The following EMILIN1 variants were observed in gnomAD, a reference collection of about 807,000 sequenced individuals.
EMILIN1 encodes elastin microfibril interfacer 1.
In EMILIN1, 49 loss-of-function variants were observed where a neutral mutation model predicts 82.4. The ratio of observed to expected loss-of-function variants is 0.59; its 90% CI spans 0.47 to 0.75. The LOEUF is 0.75. EMILIN1 is among the 30% of genes least tolerant of loss of function. The pLI is 0.00. For missense variants in EMILIN1, 1,313 were observed against 1,366.4 expected (o/e 0.96, Z 0.62); for synonymous variants, 604 against 602.2 (o/e 1.00, Z -0.04).
chr2:27,082,947 A>C lies in EMILIN1; in HGVS notation c.1376A>C (p.Glu459Ala), dbSNP rs775866025. ...LGGLLANVSG[E>A]LGGRLDLLEE... ...GGGCTGCTGGCCAATGTGAGCGGGG[A>C]GCTGGGGGGGCGGTTGGATCTGTTG... is the stretch of plus-strand genomic sequence containing the variant. Residue 459 changes from glutamate to alanine, a missense_variant, in exon 4 of 8, where the codon GAG (glutamate) becomes GCG (alanine). Coordinates refer to ENST00000380320, the MANE Select transcript of EMILIN1 (RefSeq NM_007046.4). The C allele has an allele frequency of 5.9e-6, 9 of 1,523,552 alleles. No individual in the cohort carries two copies. The highest frequency in any genetic ancestry group is 7.1e-6 in the Non-Finnish European group (8 of 1,122,742). The allele number at this position is 1,523,552 out of a possible 1,614,324, so 94.4% of individuals were successfully genotyped here.
Position 27,082,422 on chromosome 2 carries a change from C to T in EMILIN1, c.851C>T (p.Pro284Leu), listed in dbSNP as rs771792212. 56 of 1,602,716 alleles carry T rather than the reference C, an allele frequency of 3.5e-5. No individual in the cohort carries two copies. Among genetic ancestry groups the T allele is most frequent in the Non-Finnish European group, 2.3e-5 (27 of 1,176,702 alleles). Residue 284 changes from proline (P) to leucine (L), a missense_variant, in exon 4 of 8, where the codon CCG becomes CTG. Pro to Leu is a moderately conservative substitution (Grantham distance 98, BLOSUM62 -3). Transcript: ENST00000380320. The part of the protein sequence containing the change: ...SRAPAPASAP[P>L]GPSEELLRQL... ...GCCCCAGCCCCAGCCTCAGCCCCTC[C>T]GGGCCCCAGTGAGGAGCTGCTGCGG...
chr2:27,078,881 G>C lies in EMILIN1; in HGVS notation c.-185G>C. On this transcript the variant is annotated 5_prime_UTR_variant, in exon 1 of 8. Coordinates refer to ENST00000380320, the MANE Select transcript of EMILIN1 (RefSeq NM_007046.4). ...ACGGACAGGAGCTGAGGAGGAAAGA[G>C]GAGGGGAGAGGGGTCAGGCCAGGCA... The C allele has an allele frequency of 1.9e-6, 1 of 512,974 alleles. No individual in the cohort carries two copies. The highest frequency in any genetic ancestry group is 3.4e-6 in the Non-Finnish European group (1 of 292,334). 31.8% of individuals were successfully genotyped at this position (512,974 alleles called of 1,614,324 possible). A position where few individuals can be genotyped will look rare whatever the true frequency, so the allele number is the denominator to read the frequency against.
chr2:27,083,311 G>A lies in EMILIN1; in HGVS notation c.1740G>A (p.Glu580=). 1 of 1,613,334 alleles carries A rather than the reference G, an allele frequency of 6.2e-7. No homozygotes were observed. Among genetic ancestry groups the A allele is most frequent in the Non-Finnish European group, 8.5e-7 (1 of 1,179,878 alleles). ...GGCTGCTGCAGGCCCATGGGGATGA[G>A]GGCTGTGGGGCCTGTGGCGGAGTCC... ...LEGLLQAHGD[E]GCGACGGVQE... Residue 580 remains glutamate, a synonymous_variant, in exon 4 of 8, where the codon GAG becomes GAA. Transcript: ENST00000380320.
In EMILIN1 at chr2:27,083,017, C is replaced by A; in HGVS notation, c.1446C>A (p.Cys482Ter). The A allele has an allele frequency of 6.4e-7, 1 of 1,555,282 alleles. No homozygotes were observed. ...CCATGCAGGCATGCGGGCAGCTCTG[C>A]TCTGGGGCCCCTGGGGAGCAGGACT... ...AGAMQACGQL[C>*]SGAPGEQDSQ... Residue 482 changes from cysteine (C) to a stop codon, truncating the protein, a stop_gained, in exon 4 of 8, where the codon TGC (cysteine) becomes TGA (stop). Coordinates refer to ENST00000380320, the MANE Select transcript of EMILIN1 (RefSeq NM_007046.4). LOFTEE classifies it high-confidence loss of function.
rs762098465 is a variant in EMILIN1, at chr2:27,082,808, C to T, written c.1237C>T (p.Arg413Cys). ...LASRLSRLED[R>C]FNSTLGPSEE... ...CTCCCGCCTGTCTCGCCTGGAGGAC[C>T]GCTTCAACTCCACCCTGGGCCCTTC... The change falls in exon 4 of 8, where the codon CGC becomes TGC. Residue 413 changes from arginine (R) to cysteine (C), a missense_variant. Arg to Cys is a radical substitution (Grantham distance 180). Transcript: ENST00000380320. 92 of 1,555,614 alleles carry T rather than the reference C, an allele frequency of 5.9e-5. No homozygotes were observed. The highest frequency in any genetic ancestry group is 7.1e-5 in the Non-Finnish European group (82 of 1,158,552).
rs749272577 is a variant in EMILIN1, at chr2:27,079,283, C to G, written c.170+48C>G. 5 of 1,468,236 alleles carry G rather than the reference C, an allele frequency of 3.4e-6. No homozygotes were observed. In the South Asian group the frequency reaches 6.3e-5, roughly 19 times the overall value. The allele number at this position is 1,468,236 out of a possible 1,614,324, so 91.0% of individuals were successfully genotyped here. A position where few individuals can be genotyped will look rare whatever the true frequency, so the allele number is the denominator to read the frequency against. On this transcript the variant is annotated intron_variant, in intron 1 of 7. Coordinates refer to ENST00000380320, the MANE Select transcript of EMILIN1 (RefSeq NM_007046.4). ...GAGGCTTGGGTGGTGAGGAAGGGGTCAGAATGCCACCTCTGCCTGGCTCTC... is the reference window on the plus strand; with the variant it reads ...GAGGCTTGGGTGGTGAGGAAGGGGTGAGAATGCCACCTCTGCCTGGCTCTC...
At position 27,080,717 on chromosome 2, in the gene EMILIN1, T is replaced by G; in HGVS notation, c.291-15T>G. Reference sequence around the variant, plus strand: ...TACAGGGAGGAATAAAGAGGCCTCCTTCTGCCTCTGCCAGGTACCGCCGCT... The same window carrying G: ...TACAGGGAGGAATAAAGAGGCCTCCGTCTGCCTCTGCCAGGTACCGCCGCT... On this transcript the variant is annotated splice_polypyrimidine_tract_variant and intron_variant, in intron 2 of 7. Transcript: ENST00000380320. The G allele has an allele frequency of 6.2e-7, 1 of 1,604,868 alleles. No homozygotes were observed. Among genetic ancestry groups the G allele is most frequent in the Non-Finnish European group, 8.5e-7 (1 of 1,174,858 alleles).
chr2:27,079,501 C>T (rs557878045), intron 1 of EMILIN1, among the ~76,000 whole-genome samples: 377 of 152,292 alleles, frequency 2.5e-3, no homozygotes, highest in African/African-American at 8.5e-3. Flanking sequence ...GCCTTCCTGC[C>T]AGCTGCCCTC....
In EMILIN1 at chr2:27,078,838, G is replaced by T. The variant is rs1669422139; in HGVS notation, c.-228G>T. On this transcript the variant is annotated 5_prime_UTR_variant, in exon 1 of 8. Coordinates refer to ENST00000380320, the MANE Select transcript of EMILIN1 (RefSeq NM_007046.4). Reference sequence around the variant, plus strand: ...CCCCCTCAGAAGTGAAGAGGAGAGCGGAAGGAACCGAGAGGGGACGGACAG... The same window carrying T: ...CCCCCTCAGAAGTGAAGAGGAGAGCTGAAGGAACCGAGAGGGGACGGACAG... The T allele has an allele frequency of 2.1e-6, 1 of 470,898 alleles. No individual in the cohort carries two copies. The allele number at this position is 470,898 out of a possible 1,614,324, so 29.2% of individuals were successfully genotyped here.
intron 3 of EMILIN1, among the ~76,000 whole-genome samples, chr2:27,081,424 G>T (rs1379222292): frequency 6.6e-6 from 1 of 152,092 alleles, no homozygotes; most frequent in Non-Finnish European, 1.5e-5. Flanking sequence ...CAGTTCCTGT[G>T]GCTTGCCTTC....
chr2:27,079,898 CA>C (rs1276379499), intron 1 of EMILIN1, among the ~76,000 whole-genome samples: 1 of 152,226 alleles, frequency 6.6e-6, no homozygotes, highest in Non-Finnish European at 1.5e-5. Flanking sequence ...CCCGGGACCC[CA>C]CCACCATGAG....
At chr2:27,084,865 A>T in intron 5 of EMILIN1, 126 bp from the exon 6 acceptor site, 1 of 899,368 alleles carries the variant, frequency 1.1e-6, no homozygotes, top group African/African-American at 1.6e-5. Flanking sequence ...GTTTTTCTTG[A>T]TACCCCAATT....
intron 4 of EMILIN1, among the ~76,000 whole-genome samples, 188 bp downstream of exon 4, chr2:27,084,199 C>T (rs1028942264): frequency 2.0e-5 from 3 of 152,176 alleles, no homozygotes; most frequent in Admixed American, 1.3e-4. Context: ...TCCCGCCCTC[C>T]CTCTGGCTGC....
rs749285157 is a variant in EMILIN1, at chr2:27,083,891, G to T, written c.2320G>T (p.Ala774Ser). The change falls in exon 4 of 8, where the codon GCC becomes TCC. Residue 774 changes from alanine to serine, a missense_variant. By Grantham distance (99) the Ala-to-Ser change is moderately conservative. Coordinates refer to ENST00000380320, the MANE Select transcript of EMILIN1 (RefSeq NM_007046.4). ...CAACACCACCAGCCAGATGCAGGCA[G>T]CCCTGCTGGAGAAGCTGGTCGGGGG... ...ETNTTSQMQAALLEKLVGGQA... is the reference protein window; with the variant it reads ...ETNTTSQMQASLLEKLVGGQA... The T allele has an allele frequency of 6.2e-7, 1 of 1,609,292 alleles. No homozygotes were observed. Among genetic ancestry groups the T allele is most frequent in the Non-Finnish European group, 8.5e-7 (1 of 1,176,784 alleles).
At chr2:27,082,051 C>A in intron 3 of EMILIN1, 32 bp from the exon 4 acceptor site, 1 of 1,553,612 alleles carries the variant, frequency 6.4e-7, no homozygotes, top group South Asian at 1.2e-5. Context: ...TGGGGTCCAG[C>A]CCCTCTGCCT....
rs774021975 is a variant in EMILIN1 at position 27,082,783 on chromosome 2, C to A, written c.1212C>A (p.Ala404=). The change falls in exon 4 of 8, where the codon GCC becomes GCA. Residue 404 remains alanine, a synonymous_variant. Transcript: ENST00000380320. The part of the protein sequence containing the change: ...GGHPPGYTSL[A]SRLSRLEDRF... ...ACCCCCCAGGCTACACCAGCTTGGCCTCCCGCCTGTCTCGCCTGGAGGACC... is the reference window on the plus strand; with the variant it reads ...ACCCCCCAGGCTACACCAGCTTGGCATCCCGCCTGTCTCGCCTGGAGGACC... 6.5e-7 allele frequency: 1 copy of A among 1,540,960 alleles called. No homozygotes were observed. Among genetic ancestry groups the A allele is most frequent in the Non-Finnish European group, 8.7e-7 (1 of 1,150,118 alleles).
intron 7 of EMILIN1, 138 bp from the exon 8 acceptor site, chr2:27,085,540 A>G (rs778096290): frequency 1.9e-5 from 18 of 934,010 alleles, no homozygotes; most frequent in Non-Finnish European, 2.6e-5. Flanking sequence ...GGGAATGCAT[A>G]GTGAACAAAG....
At position 27,083,363 on chromosome 2, in the gene EMILIN1, G is replaced by A. The variant is rs1461565096; in HGVS notation, c.1792G>A (p.Gly598Ser). ...VQEELGRLRDGVERCSCPLLP... is the reference protein window; with the variant it reads ...VQEELGRLRDSVERCSCPLLP... ...AGAGGAACTAGGCCGCCTTCGGGATGGTGTGGAGCGCTGCTCCTGCCCCCT... is the reference window on the plus strand; with the variant it reads ...AGAGGAACTAGGCCGCCTTCGGGATAGTGTGGAGCGCTGCTCCTGCCCCCT... The change falls in exon 4 of 8, where the codon GGT (glycine) becomes AGT (serine). Residue 598 changes from glycine to serine, a missense_variant. Transcript: ENST00000380320. 4 of 1,612,562 alleles carry A rather than the reference G, an allele frequency of 2.5e-6. No individual in the cohort carries two copies. The African/African-American group carries it at 5.3e-5, about 22-fold the overall frequency.
rs1669628688 is a variant in EMILIN1, at chr2:27,086,126, G to A, written c.*111G>A. 1.2e-6 allele frequency: 1 copy of A among 838,868 alleles called. No homozygotes were observed. The highest frequency in any genetic ancestry group is 4.1e-5 in the Admixed American group (1 of 24,102). 52.0% of individuals were successfully genotyped at this position (838,868 alleles called of 1,614,324 possible). A position where few individuals can be genotyped will look rare whatever the true frequency, so the allele number is the denominator to read the frequency against. ...CTAGCCCTGGGCGAGCGCCGCACCC[G>A]GGCCCGCAGCGGCACCGCGCCCAGA... On this transcript the variant is annotated 3_prime_UTR_variant, in exon 8 of 8. Coordinates refer to ENST00000380320, the MANE Select transcript of EMILIN1 (RefSeq NM_007046.4).
Sources: gnomAD v4.1 joint callset for allele counts (sites outside exome capture counted in the v4.1 genomes callset) on GRCh38, gnomAD v4.1.1 for gene constraint, MANE v1.5 for transcripts, NCBI Gene and HGNC (gene_info 2026-07-23, HGNC 2026-07-21) for gene names.